The following LRRTM4 variants were observed in gnomAD, a reference collection of about 807,000 sequenced individuals.
LRRTM4 encodes the protein leucine-rich repeat transmembrane neuronal protein 4.
In LRRTM4, 25 loss-of-function variants were observed where a neutral mutation model predicts 47.6. The observed-to-expected ratio is 0.53, with a 90% CI of 0.38 to 0.73. The LOEUF is 0.73. Among genes scored for constraint, LRRTM4 ranks in the 30% least tolerant of loss-of-function variants. LRRTM4 has a pLI of 0.00. For missense variants in LRRTM4, 638 were observed against 713.4 expected (o/e 0.89, Z 1.20); for synonymous variants, 311 against 269.5 (o/e 1.15, Z -1.51).
intron 3 of LRRTM4, among the ~76,000 whole-genome samples, chr2:76,936,416 A>G (rs1468979629): frequency 6.6e-6 from 1 of 151,318 alleles, no homozygotes; most frequent in African/African-American, 2.4e-5. Flanking sequence ...GGAGGGGAAC[A>G]TCACACACTG....
intron 3 of LRRTM4, among the ~76,000 whole-genome samples, chr2:77,465,325 C>A (rs1051427982): frequency 5.9e-5 from 9 of 152,086 alleles, no homozygotes; most frequent in African/African-American, 1.9e-4. Context: ...CATTCATTCA[C>A]AAAACGAACA....
chr2:76,800,127 A>G (rs369323948), intron 3 of LRRTM4, among the ~76,000 whole-genome samples: 1 of 149,248 alleles, frequency 6.7e-6, no homozygotes, highest in Non-Finnish European at 1.5e-5. Flanking sequence ...GGAACCAAAA[A>G]AGAGCCCGCA....
intron 3 of LRRTM4, among the ~76,000 whole-genome samples, chr2:76,965,448 CAT>C (rs1425614310): frequency 6.6e-6 from 1 of 151,162 alleles, no homozygotes; most frequent in African/African-American, 2.4e-5. Context: ...AAAAAAGAAT[CAT>C]ATGATTATAT....
rs752284202 is a variant in LRRTM4 at position 76,807,583 on chromosome 2, ATTTC to A, written c.1552-58671_1552-58668del. Among the ~76,000 whole-genome samples the A allele has an allele frequency of 1.8e-4, 27 of 148,510 alleles. No individual in the cohort carries two copies. In the South Asian group the frequency reaches 2.1e-3, roughly 12 times the overall value. On this transcript the variant is annotated intron_variant, in intron 3 of 3. Transcript: ENST00000409884. ...TTTTCTATTTAGTTTTATTTTCATT[ATTTC>A]TTTATTTTATTATTATTATTTTGAG...
chr2:77,496,432 T>C (rs576304652), intron 3 of LRRTM4, among the ~76,000 whole-genome samples: 216 of 151,990 alleles, frequency 1.4e-3, no homozygotes, highest in African/African-American at 4.4e-3. Flanking sequence ...TTCTTTTGTC[T>C]TCATTGTGTA....
intron 3 of LRRTM4, among the ~76,000 whole-genome samples, chr2:76,752,036 C>T (rs1196815529): frequency 1.3e-5 from 2 of 152,132 alleles, no homozygotes; most frequent in African/African-American, 2.4e-5. Context: ...TACTAAAAGA[C>T]ATCAACATGA....
intron 3 of LRRTM4, among the ~76,000 whole-genome samples, chr2:76,831,371 A>G (rs1419247110): frequency 2.0e-5 from 3 of 152,156 alleles, no homozygotes; most frequent in African/African-American, 4.8e-5. Context: ...TTTGAAAATA[A>G]CATGTCTCCA....
intron 3 of LRRTM4, among the ~76,000 whole-genome samples, chr2:76,897,959 T>C (rs1673479334): frequency 6.6e-6 from 1 of 152,160 alleles, no homozygotes; most frequent in African/African-American, 2.4e-5. Flanking sequence ...ACGCTTTACA[T>C]GAAAAATAAT....
intron 3 of LRRTM4, among the ~76,000 whole-genome samples, chr2:77,078,551 G>A (rs1234160524): frequency 6.6e-6 from 1 of 151,996 alleles, no homozygotes; most frequent in South Asian, 2.1e-4. Flanking sequence ...TATTAACATA[G>A]CAAGTCAGAA....
chr2:77,384,202 G>A (rs1351076310), intron 3 of LRRTM4, among the ~76,000 whole-genome samples: 1 of 150,938 alleles, frequency 6.6e-6, no homozygotes, highest in Non-Finnish European at 1.5e-5. Context: ...CAAAAAACTT[G>A]TATTATATTA....
At chr2:77,318,354 G>A (rs1383676821) in intron 3 of LRRTM4, among the ~76,000 whole-genome samples, 1 of 152,006 alleles carries the variant, frequency 6.6e-6, no homozygotes, top group Non-Finnish European at 1.5e-5. Flanking sequence ...TAAATCAGTT[G>A]GCATAAATTA....
chr2:76,981,223 A>G (rs1470136820), intron 3 of LRRTM4, among the ~76,000 whole-genome samples: 1 of 152,130 alleles, frequency 6.6e-6, no homozygotes, highest in Non-Finnish European at 1.5e-5. Context: ...GGAAATACGG[A>G]CATGTGACTA....
intron 3 of LRRTM4, among the ~76,000 whole-genome samples, chr2:77,170,427 G>A (rs778154122): frequency 1.3e-5 from 2 of 152,118 alleles, no homozygotes; most frequent in East Asian, 3.9e-4. Flanking sequence ...CAATGATCAC[G>A]AAATAGATTT....
chr2:77,348,519 TAAA>T (rs1252774445), intron 3 of LRRTM4, among the ~76,000 whole-genome samples: 1 of 150,200 alleles, frequency 6.7e-6, no homozygotes, highest in Non-Finnish European at 1.5e-5. Context: ...TATGAAAAGA[TAAA>T]AAATAATTGT....
chr2:77,069,401 A>ATGTGTGTG (rs3058064), intron 3 of LRRTM4, among the ~76,000 whole-genome samples: 1,491 of 141,518 alleles, frequency 0.011, 19 homozygotes, highest in Admixed American at 0.033. Context: ...ACATTTCACT[A>ATGTGTGTG]TGTGTGTGTG....
chr2:77,158,950 C>T (rs1028048000), intron 3 of LRRTM4, among the ~76,000 whole-genome samples: 3 of 152,012 alleles, frequency 2.0e-5, no homozygotes, highest in East Asian at 1.9e-4. Flanking sequence ...GCTTTCACTC[C>T]GTGAATATTC....
intron 3 of LRRTM4, among the ~76,000 whole-genome samples, chr2:77,080,802 TAAC>T (rs1680504599): frequency 6.6e-6 from 1 of 152,212 alleles, no homozygotes; most frequent in Non-Finnish European, 1.5e-5. Context: ...TCAAGGTACT[TAAC>T]AATGCCTATA....
chr2:77,509,076 A>G (rs557707614), intron 3 of LRRTM4, among the ~76,000 whole-genome samples: 1 of 152,098 alleles, frequency 6.6e-6, no homozygotes, highest in African/African-American at 2.4e-5. Flanking sequence ...TACTACAAAT[A>G]CAAAAATTAG....
intron 3 of LRRTM4, among the ~76,000 whole-genome samples, chr2:77,419,856 T>C (rs958240364): frequency 2.0e-5 from 3 of 151,310 alleles, no homozygotes; most frequent in African/African-American, 4.9e-5. Context: ...CTTCCAGAAA[T>C]ACAAAGGAAA....
Sources: allele counts gnomAD v4.1 joint callset (sites outside exome capture counted in the v4.1 genomes callset), GRCh38; gene constraint gnomAD v4.1.1; transcripts MANE v1.5; gene names NCBI Gene and HGNC (gene_info 2026-07-23, HGNC 2026-07-21).